The following MGST1 variants were observed in gnomAD, a reference collection of about 807,000 sequenced individuals.
MGST1 encodes microsomal glutathione S-transferase 1.
In MGST1, 5 loss-of-function variants were observed where a neutral mutation model predicts 8.9. The ratio of observed to expected loss-of-function variants is 0.56; its 90% CI spans 0.29 to 1.19. The LOEUF (loss-of-function observed/expected upper bound fraction) is 1.19, where lower values mean the gene tolerates loss of function less well. Among genes scored for constraint, MGST1 ranks in the 50% most tolerant of loss-of-function variants. The pLI, the probability that MGST1 is intolerant of heterozygous loss-of-function variation, is 0.08. For synonymous variants in MGST1, 54 were observed against 67.8 expected (o/e 0.80, Z 1.00); for missense variants, 182 against 187.4 (o/e 0.97, Z 0.17).
intron 4 of MGST1, among the ~76,000 whole-genome samples, chr12:16,566,050 AC>A (rs1330602484): frequency 5.0e-5 from 6 of 119,106 alleles, no homozygotes; most frequent in Non-Finnish European, 8.5e-5. Context: ...AAAATGGAGT[AC>A]TATTCAGCCA....
Position 16,457,177 on chromosome 12 carries a change from G to A in MGST1, n.482+73573G>A, listed in dbSNP as rs566398550. Reference sequence around the variant, plus strand: ...CATCACTTTAACTAAATATTTTTACGACAAAATTCTTACTAATGCATACTT... The same window carrying A: ...CATCACTTTAACTAAATATTTTTACAACAAAATTCTTACTAATGCATACTT... On this transcript the variant is annotated intron_variant and non_coding_transcript_variant, in intron 4 of 4. Coordinates refer to the MGST1 transcript ENST00000538857. Among the ~76,000 whole-genome samples, 11 of 151,882 alleles carry A rather than the reference G, an allele frequency of 7.2e-5. No individual in the cohort carries two copies. In the South Asian group the frequency reaches 8.3e-4, roughly 11 times the overall value.
chr12:16,522,621 C>T (rs921585948), intron 4 of MGST1, among the ~76,000 whole-genome samples: 4 of 152,046 alleles, frequency 2.6e-5, no homozygotes, highest in Non-Finnish European at 4.4e-5. Context: ...CCTAGATGTG[C>T]GAACACCTTA....
chr12:16,504,382 T>C (rs901567951), intron 4 of MGST1, among the ~76,000 whole-genome samples: 1 of 152,214 alleles, frequency 6.6e-6, no homozygotes, highest in Non-Finnish European at 1.5e-5. Context: ...CACGCCTAGA[T>C]GCTTTGAAAC....
chr12:16,400,151 G>A (rs774324754), intron 1 of MGST1: 127 of 1,367,734 alleles, frequency 9.3e-5, no homozygotes, highest in African/African-American at 1.7e-4. Flanking sequence ...AGGTCATCTC[G>A]GTCATGCATA....
Position 16,584,188 on chromosome 12 carries a change from T to C in MGST1, n.483-5340T>C, listed in dbSNP as rs1309798570. 6.6e-6 allele frequency among the ~76,000 whole-genome samples: 1 copy of C among 152,074 alleles called. No homozygotes were observed. Among genetic ancestry groups the C allele is most frequent in the Non-Finnish European group, 1.5e-5 (1 of 68,014 alleles). ...GGGTAAAAGGTAGTATAATTAGATG[T>C]ACGAGTTTTGTTGGAGGATGCATTT... is the stretch of plus-strand genomic sequence containing the variant. On this transcript the variant is annotated intron_variant and non_coding_transcript_variant, in intron 4 of 4. Transcript: ENST00000538857. This position sits in a 1 kb window ranked among gnomAD's most constrained non-coding sequence, Gnocchi z 5.2.
chr12:16,531,413 T>C (rs964937911), intron 4 of MGST1, among the ~76,000 whole-genome samples: 1 of 151,904 alleles, frequency 6.6e-6, no homozygotes, highest in African/African-American at 2.4e-5. Context: ...ACAAGGGCCC[T>C]TTCCTGTATA....
chr12:16,560,639 C>A lies in MGST1; in HGVS notation n.483-28889C>A. On this transcript the variant is annotated intron_variant and non_coding_transcript_variant, in intron 4 of 4. Coordinates refer to the MGST1 transcript ENST00000538857. This position sits in a 1 kb window ranked among gnomAD's most constrained non-coding sequence, Gnocchi z 5.0. ...ATATACTCTGTAAAGCTACAATACA[C>A]AATGCTTTATGATGTACACAAGTGG... The A allele has an allele frequency of 1.9e-6, 2 of 1,044,768 alleles. No homozygotes were observed. The highest frequency in any genetic ancestry group is 2.2e-5 in the Admixed American group (1 of 45,194). 64.7% of individuals were successfully genotyped at this position (1,044,768 alleles called of 1,614,324 possible).
intron 1 of MGST1, among the ~76,000 whole-genome samples, chr12:16,426,085 T>A (rs891507990): frequency 1.3e-5 from 2 of 152,196 alleles, no homozygotes; most frequent in Non-Finnish European, 2.9e-5. Flanking sequence ...CCTAATAGAT[T>A]TGGCTTTCTA....
At chr12:16,475,097 CAT>C (rs762148555) in intron 4 of MGST1, among the ~76,000 whole-genome samples, 42 of 152,278 alleles carry the variant, frequency 2.8e-4, no homozygotes, top group Non-Finnish European at 3.8e-4. Flanking sequence ...AGGGTACAAT[CAT>C]GTGTGGATTA....
intron 4 of MGST1, among the ~76,000 whole-genome samples, chr12:16,490,995 G>C (rs772051250): frequency 7.9e-5 from 12 of 152,150 alleles, no homozygotes; most frequent in African/African-American, 2.2e-4. Flanking sequence ...ACCAAGCCAT[G>C]CAGAGAATCT....
chr12:16,581,178 G>T (rs1326977961), intron 4 of MGST1, among the ~76,000 whole-genome samples: 1 of 152,152 alleles, frequency 6.6e-6, no homozygotes, highest in Non-Finnish European at 1.5e-5. Flanking sequence ...ATCAATTTAT[G>T]GGGACCTCGG....
chr12:16,589,316 G>A lies in MGST1; in HGVS notation n.483-212G>A, dbSNP rs1191547903. On this transcript the variant is annotated intron_variant and non_coding_transcript_variant, in intron 4 of 4. Coordinates refer to the MGST1 transcript ENST00000538857. This position sits in a 1 kb window ranked among gnomAD's most constrained non-coding sequence, Gnocchi z 4.2. ...TGATGGAGAAGGGGCAATACCTAAT[G>A]TAGTAGAATAATGAGAAACACATGA... Among the ~76,000 whole-genome samples the A allele has an allele frequency of 6.6e-6, 1 of 152,180 alleles. No individual in the cohort carries two copies. The highest frequency in any genetic ancestry group is 1.9e-4 in the East Asian group (1 of 5,172).
At chr12:16,591,726 A>G (rs1377082564), downstream of MGST1, among the ~76,000 whole-genome samples, 4 of 152,098 alleles carry the variant, frequency 2.6e-5, no homozygotes, top group African/African-American at 9.7e-5. The surrounding 1 kb of genome is among the most constrained non-coding windows in gnomAD (Gnocchi z 4.1). Flanking sequence ...AGATGGAACA[A>G]TACAAATAGC....
rs1941810777 is a variant in MGST1, at chr12:16,544,364, A to G, written n.483-45164A>G. Among the ~76,000 whole-genome samples the G allele has an allele frequency of 6.6e-6, 1 of 152,056 alleles. No homozygotes were observed. The highest frequency in any genetic ancestry group is 1.5e-5 in the Non-Finnish European group (1 of 67,972). On this transcript the variant is annotated intron_variant and non_coding_transcript_variant, in intron 4 of 4. Transcript: ENST00000538857. The surrounding 1 kb of genome is among the most constrained non-coding windows in gnomAD (Gnocchi z 4.8). Reference sequence around the variant, plus strand: ...AAAGGGGAAGAGTTAATGTTAATGCATACAAAAGAGTTGTCATACAAAAGA... The same window carrying G: ...AAAGGGGAAGAGTTAATGTTAATGCGTACAAAAGAGTTGTCATACAAAAGA...
At chr12:16,429,321 AT>A (rs1940919674) in intron 1 of MGST1, among the ~76,000 whole-genome samples, 2 of 152,162 alleles carry the variant, frequency 1.3e-5, no homozygotes, top group South Asian at 4.1e-4. Flanking sequence ...CTTATTATTT[AT>A]TGGTGATTCT....
At chr12:16,387,753 C>G (rs779152478) in intron 1 of MGST1, among the ~76,000 whole-genome samples, 4 of 152,116 alleles carry the variant, frequency 2.6e-5, no homozygotes, top group Non-Finnish European at 4.4e-5. Context: ...GTCTCGATCT[C>G]CTGACCTCAT....
At position 16,517,692 on chromosome 12, in the gene MGST1, T is replaced by A. The variant is rs1941624195; in HGVS notation, n.483-71836T>A. Among the ~76,000 whole-genome samples the A allele has an allele frequency of 6.6e-6, 1 of 152,198 alleles. No individual in the cohort carries two copies. Among genetic ancestry groups the A allele is most frequent in the African/African-American group, 2.4e-5 (1 of 41,456 alleles). The stretch of plus-strand genomic sequence containing the variant: ...TGTTGCAAGCCAACTTGGCTTGTGC[T>A]CATCTAAGCACTGTCCACAGAGAAG... On this transcript the variant is annotated intron_variant and non_coding_transcript_variant, in intron 4 of 4. Transcript: ENST00000538857. This position sits in a 1 kb window ranked among gnomAD's most constrained non-coding sequence, Gnocchi z 4.2.
intron 4 of MGST1, among the ~76,000 whole-genome samples, chr12:16,522,675 G>A (rs1941655934): frequency 6.6e-6 from 1 of 152,052 alleles, no homozygotes; most frequent in Admixed American, 6.6e-5. Context: ...AGGGTGAGAA[G>A]ATTATTTTTC....
At chr12:16,450,584 A>C (rs1382415700) in intron 4 of MGST1, among the ~76,000 whole-genome samples, 1 of 151,904 alleles carries the variant, frequency 6.6e-6, no homozygotes, top group Non-Finnish European at 1.5e-5. Context: ...GCAAAATCCA[A>C]CTCAGAATCG....
Sources: gnomAD v4.1 joint callset for allele counts (sites outside exome capture counted in the v4.1 genomes callset) on GRCh38, gnomAD v4.1.1 for gene constraint, Gnocchi (gnomAD v3.1) non-coding constraint, MANE v1.5 for transcripts, NCBI Gene and HGNC (gene_info 2026-07-23, HGNC 2026-07-21) for gene names.